Variants in GRID2 observed in about 807,000 individuals in gnomAD.
GRID2 encodes glutamate receptor ionotropic, delta-2.
GRID2 carries 33 observed loss-of-function variants against 114.8 expected under a neutral mutation model. The observed-to-expected ratio is 0.29, with a 90% confidence interval of 0.22 to 0.38. The LOEUF (loss-of-function observed/expected upper bound fraction) is 0.38, where lower values mean the gene tolerates loss of function less well. Among genes scored for constraint, GRID2 ranks in the 10% least tolerant of loss-of-function variants. The probability of loss-of-function intolerance (pLI) is 1.00; values close to 1 mark genes in which losing one functional copy is unlikely to be tolerated. For synonymous variants in GRID2, 505 were observed against 449.9 expected (o/e 1.12, Z -1.55); for missense variants, 1,184 against 1,257.7 (o/e 0.94, Z 0.89).
intron 2 of GRID2, among the ~76,000 whole-genome samples, chr4:92,722,649 C>A (rs1735866470): frequency 6.6e-6 from 1 of 152,006 alleles, no homozygotes; most frequent in African/African-American, 2.4e-5. Context: ...CATATTAAAT[C>A]TGCTATACCC....
At chr4:93,123,337 C>T (rs1350708196) in intron 4 of GRID2, among the ~76,000 whole-genome samples, 1 of 152,000 alleles carries the variant, frequency 6.6e-6, no homozygotes, top group Non-Finnish European at 1.5e-5. Flanking sequence ...TGTGGAAAAA[C>T]AAGAAAATAT....
chr4:93,624,675 A>C (rs1373066587), intron 13 of GRID2, among the ~76,000 whole-genome samples: 1 of 152,296 alleles, frequency 6.6e-6, no homozygotes, highest in South Asian at 2.1e-4. Context: ...TTGTTTAATA[A>C]TGTTACATTA....
chr4:93,169,273 T>C (rs1041467332), intron 4 of GRID2, among the ~76,000 whole-genome samples: 1 of 152,096 alleles, frequency 6.6e-6, no homozygotes, highest in Non-Finnish European at 1.5e-5. Flanking sequence ...TCTTTATTGA[T>C]GTACTTTCAC....
intron 14 of GRID2, among the ~76,000 whole-genome samples, chr4:93,706,700 T>C (rs1728030100): frequency 6.6e-6 from 1 of 152,198 alleles, no homozygotes; most frequent in Non-Finnish European, 1.5e-5. Context: ...TTGGATGCCC[T>C]GTATTTCTTT....
chr4:92,569,061 C>A (rs1174149442), intron 1 of GRID2, among the ~76,000 whole-genome samples: 1 of 151,948 alleles, frequency 6.6e-6, no homozygotes. Context: ...GTGCACAGAT[C>A]ATCTTATCAC....
At chr4:92,626,691 T>A (rs1374163456) in intron 2 of GRID2, among the ~76,000 whole-genome samples, 1 of 152,080 alleles carries the variant, frequency 6.6e-6, no homozygotes, top group Non-Finnish European at 1.5e-5. Context: ...ATGTAAAATC[T>A]TCCTTGAGTG....
At chr4:92,770,885 G>A (rs1036654616) in intron 2 of GRID2, among the ~76,000 whole-genome samples, 4 of 152,026 alleles carry the variant, frequency 2.6e-5, no homozygotes, top group Non-Finnish European at 5.9e-5. Context: ...TTCTCAATGC[G>A]TTGCACATAC....
intron 8 of GRID2, among the ~76,000 whole-genome samples, chr4:93,383,903 G>C (rs902128591): frequency 2.8e-4 from 43 of 152,106 alleles, no homozygotes; most frequent in African/African-American, 1.0e-3. Flanking sequence ...CATTTTACTG[G>C]AGAAAACTCA....
chr4:93,580,212 A>G (rs1309424887), intron 13 of GRID2, among the ~76,000 whole-genome samples: 1 of 152,228 alleles, frequency 6.6e-6, no homozygotes, highest in Admixed American at 6.5e-5. Flanking sequence ...CACAGTCTCT[A>G]GAACTTCTAG....
At chr4:92,472,285 A>G (rs1478122522) in intron 1 of GRID2, among the ~76,000 whole-genome samples, 1 of 152,124 alleles carries the variant, frequency 6.6e-6, no homozygotes, top group African/African-American at 2.4e-5. Context: ...ATAAATTTAT[A>G]CTATTTCATT....
intron 2 of GRID2, among the ~76,000 whole-genome samples, chr4:92,939,603 C>A: frequency 6.8e-6 from 1 of 147,098 alleles, no homozygotes; most frequent in East Asian, 2.2e-4. Flanking sequence ...GCTTTTGTTG[C>A]CATTGCTTTT....
intron 2 of GRID2, among the ~76,000 whole-genome samples, chr4:92,842,001 G>T (rs1297156896): frequency 6.6e-6 from 1 of 152,058 alleles, no homozygotes; most frequent in Non-Finnish European, 1.5e-5. Flanking sequence ...TGCTTCTGGA[G>T]AAGTTACTAC....
intron 14 of GRID2, among the ~76,000 whole-genome samples, chr4:93,744,973 G>A (rs552763022): frequency 1.3e-5 from 2 of 152,188 alleles, no homozygotes; most frequent in East Asian, 3.9e-4. Context: ...ATTATTATTA[G>A]CATTTTTAGC....
At chr4:92,693,219 G>T (rs952821832) in intron 2 of GRID2, among the ~76,000 whole-genome samples, 1 of 151,986 alleles carries the variant, frequency 6.6e-6, no homozygotes, top group Non-Finnish European at 1.5e-5. Context: ...TGAATGTAGA[G>T]AATTTCATCC....
At chr4:93,404,963 C>A (rs1195887004) in intron 9 of GRID2, among the ~76,000 whole-genome samples, 3 of 151,894 alleles carry the variant, frequency 2.0e-5, no homozygotes, top group Non-Finnish European at 4.4e-5. Flanking sequence ...TTTAAGAGTT[C>A]CTTTAGAGAC....
intron 8 of GRID2, among the ~76,000 whole-genome samples, chr4:93,384,929 A>C (rs1414861696): frequency 1.3e-5 from 2 of 152,200 alleles, no homozygotes; most frequent in African/African-American, 4.8e-5. Flanking sequence ...TAAATCCACA[A>C]GGAAAAAATG....
chr4:93,367,883 G>A (rs548195183), intron 8 of GRID2, among the ~76,000 whole-genome samples: 241 of 152,104 alleles, frequency 1.6e-3, no homozygotes, highest in Admixed American at 2.5e-3. Context: ...GTTATCTGTT[G>A]AAAAAATAAA....
intron 13 of GRID2, among the ~76,000 whole-genome samples, chr4:93,601,587 T>C (rs146996648): frequency 7.2e-4 from 110 of 152,338 alleles, no homozygotes; most frequent in African/African-American, 2.6e-3. Flanking sequence ...ATTGAATCTA[T>C]GCAAGATTAA....
At chr4:93,612,016 A>G (rs1245372338) in intron 13 of GRID2, among the ~76,000 whole-genome samples, 1 of 151,598 alleles carries the variant, frequency 6.6e-6, no homozygotes, top group Admixed American at 6.6e-5. Context: ...GGGTGCATAA[A>G]TATTTAGGAT....
Sources: gnomAD v4.1 joint callset for allele counts (sites outside exome capture counted in the v4.1 genomes callset) on GRCh38, gnomAD v4.1.1 for gene constraint, MANE v1.5 for transcripts, NCBI Gene and HGNC (gene_info 2026-07-23, HGNC 2026-07-21) for gene names.